Variants in ACTN1 observed in about 807,000 individuals in gnomAD.
ACTN1 encodes actinin alpha 1, also known as alpha-actinin-1.
ACTN1 carries 30 observed loss-of-function variants against 119.6 expected under a neutral mutation model. The ratio of observed to expected loss-of-function variants is 0.25; its 90% CI spans 0.19 to 0.34. ACTN1 has a LOEUF of 0.34. ACTN1 is among the 10% of genes least tolerant of loss of function. ACTN1 has a pLI of 1.00. For missense variants in ACTN1, 764 were observed against 1,223.4 expected, an observed-to-expected ratio of 0.62 and a Z score of 5.60; for synonymous variants, 429 against 472.6, an observed-to-expected ratio of 0.91 and a Z score of 1.20.
At chr14:68,875,260 C>A in intron 21 of ACTN1, 1 of 1,051,312 alleles carries the variant, frequency 9.5e-7, no homozygotes, top group Non-Finnish European at 1.3e-6. Context: ...AGCCACTTTC[C>A]AATCTAATTC....
chr14:68,929,088 T>C (rs2035086941), intron 1 of ACTN1, among the ~76,000 whole-genome samples: 1 of 151,400 alleles, frequency 6.6e-6, no homozygotes, highest in Admixed American at 6.6e-5. Flanking sequence ...GGGCTGGAAC[T>C]GTGGTGCGTT....
chr14:68,936,549 G>A lies in ACTN1; in HGVS notation c.106-10877C>T, dbSNP rs555570623. On this transcript the variant is annotated intron_variant, in intron 1 of 21. Transcript: ENST00000394419. ...AATAAAAGAACAGTCTGTCTAGGGGGTGGCGGGAGGAACTGTTACGGGAAT... is the reference window on the plus strand; with the variant it reads ...AATAAAAGAACAGTCTGTCTAGGGGATGGCGGGAGGAACTGTTACGGGAAT... The A allele has an allele frequency of 2.0e-5, 9 of 449,922 alleles. No homozygotes were observed. In the South Asian group the frequency reaches 2.0e-4, roughly 10 times the overall value. 27.9% of individuals were successfully genotyped at this position (449,922 alleles called of 1,614,324 possible).
At chr14:68,942,962 C>T (rs1033054909) in intron 1 of ACTN1, among the ~76,000 whole-genome samples, 1 of 152,110 alleles carries the variant, frequency 6.6e-6, no homozygotes, top group Admixed American at 6.5e-5. Context: ...GACGGAGGAG[C>T]CTAACGACCT....
intron 1 of ACTN1, among the ~76,000 whole-genome samples, chr14:68,967,854 G>C (rs1020720574): frequency 3.9e-5 from 6 of 152,216 alleles, no homozygotes; most frequent in African/African-American, 1.4e-4. Context: ...TGCAGCCCAA[G>C]CCTCATATCC....
In ACTN1 at chr14:68,879,076, C is replaced by A; in HGVS notation, c.2281-7G>T. 1.2e-6 allele frequency: 2 copies of A among 1,602,848 alleles called. No homozygotes were observed. The highest frequency in any genetic ancestry group is 1.7e-6 in the Non-Finnish European group (2 of 1,173,400). On this transcript the variant is annotated splice_polypyrimidine_tract_variant and splice_region_variant and intron_variant, in intron 18 of 21. Coordinates refer to ENST00000394419, the MANE Select transcript of ACTN1 (RefSeq NM_001130004.2). This position sits in a 1 kb window ranked among gnomAD's most constrained non-coding sequence, Gnocchi z 4.9. Reference sequence around the variant, plus strand: ...CCAGTGTGCCGGAGTGATCCTGGGGCCGCGGTGCGCCAGGCAGCGAGCCAT... The same window carrying A: ...CCAGTGTGCCGGAGTGATCCTGGGGACGCGGTGCGCCAGGCAGCGAGCCAT...
At chr14:68,918,670 C>T (rs541257833) in intron 3 of ACTN1, among the ~76,000 whole-genome samples, 10 of 150,398 alleles carry the variant, frequency 6.6e-5, no homozygotes, top group East Asian at 3.9e-4. Flanking sequence ...CCGAGGCGGG[C>T]GGATCACAAG....
intron 7 of ACTN1, 65 bp downstream of exon 7, chr14:68,904,590 C>T: frequency 5.3e-6 from 8 of 1,495,788 alleles, no homozygotes; most frequent in Non-Finnish European, 7.4e-6. Context: ...GGGGTCCACC[C>T]CTTCTTAGCC....
intron 21 of ACTN1, among the ~76,000 whole-genome samples, chr14:68,876,718 C>T (rs2030940125): frequency 6.6e-6 from 1 of 152,114 alleles, no homozygotes; most frequent in Non-Finnish European, 1.5e-5. Flanking sequence ...CATTATAGTC[C>T]GTGCCGATGC....
chr14:68,903,077 G>A (rs1223387943), intron 7 of ACTN1, among the ~76,000 whole-genome samples: 1 of 152,210 alleles, frequency 6.6e-6, no homozygotes, highest in Non-Finnish European at 1.5e-5. Context: ...GTATTCGGAA[G>A]TATGCAGTGG....
rs764990584 is a variant in ACTN1 at position 68,882,308 on chromosome 14, T to C, written c.1953+150A>G. 2.6e-5 allele frequency: 27 copies of C among 1,054,140 alleles called. 1 individual carries two copies. The highest frequency in any genetic ancestry group is 3.4e-5 in the Non-Finnish European group (25 of 735,810). 65.3% of individuals were successfully genotyped at this position (1,054,140 alleles called of 1,614,324 possible). A position where few individuals can be genotyped will look rare whatever the true frequency, so the allele number is the denominator to read the frequency against. ...CAGGGCTTCTTCACATAGGCCCCCA[T>C]AGCCTTCTACAGAACAGCAGACCCA... On this transcript the variant is annotated intron_variant, in intron 16 of 21. Coordinates refer to ENST00000394419, the MANE Select transcript of ACTN1 (RefSeq NM_001130004.2). This position sits in a 1 kb window ranked among gnomAD's most constrained non-coding sequence, Gnocchi z 4.5.
At position 68,885,444 on chromosome 14, in the gene ACTN1, C is replaced by A. The variant is rs138924875; in HGVS notation, c.1366G>T (p.Ala456Ser). ...AHQDRVEQIAAIAQELNELDY... is the reference protein window; with the variant it reads ...AHQDRVEQIASIAQELNELDY... ...ACCTACTTGAGCTCCTGTGCGATGGCGGCAATCTGCTCCACACGGTCCTGG... is the reference window on the plus strand; with the variant it reads ...ACCTACTTGAGCTCCTGTGCGATGGAGGCAATCTGCTCCACACGGTCCTGG... The change falls in exon 12 of 22, where the codon GCC becomes TCC. Residue 456 changes from alanine (A) to serine (S), a missense_variant. Coordinates refer to ENST00000394419, the MANE Select transcript of ACTN1 (RefSeq NM_001130004.2). This position sits in a 1 kb window ranked among gnomAD's most constrained non-coding sequence, Gnocchi z 5.6. 1 of 1,612,404 alleles carries A rather than the reference C, an allele frequency of 6.2e-7. No homozygotes were observed. Among genetic ancestry groups the A allele is most frequent in the Non-Finnish European group, 8.5e-7 (1 of 1,178,966 alleles).
At chr14:68,888,090 C>T (rs139219858) in intron 11 of ACTN1, 24 of 680,672 alleles carry the variant, frequency 3.5e-5, no homozygotes, top group African/African-American at 2.7e-4. Context: ...GGCATCCTGG[C>T]GGCAGGGAGG....
intron 8 of ACTN1, among the ~76,000 whole-genome samples, chr14:68,897,916 C>T (rs1006029376): frequency 1.3e-5 from 2 of 152,266 alleles, no homozygotes; most frequent in Non-Finnish European, 2.9e-5. Context: ...CTGCATACCC[C>T]GAAGCTTCTT....
At chr14:68,928,978 T>C (rs1374342659) in intron 1 of ACTN1, among the ~76,000 whole-genome samples, 1 of 151,764 alleles carries the variant, frequency 6.6e-6, no homozygotes, top group East Asian at 1.9e-4. Context: ...TGTGGTGAGT[T>C]CCTGGGAGAG....
At chr14:68,965,061 G>A (rs1206796493) in intron 1 of ACTN1, among the ~76,000 whole-genome samples, 2 of 152,196 alleles carry the variant, frequency 1.3e-5, no homozygotes, top group African/African-American at 4.8e-5. Flanking sequence ...GCATCTATCT[G>A]CAGGTGTTCT....
intron 1 of ACTN1, among the ~76,000 whole-genome samples, chr14:68,938,292 T>C (rs895699611): frequency 2.0e-5 from 3 of 152,152 alleles, no homozygotes; most frequent in African/African-American, 7.2e-5. Flanking sequence ...GGCACTGCTC[T>C]AACAGCCTGT....
In ACTN1 at chr14:68,907,505, A is replaced by C. The variant is rs149062977; in HGVS notation, c.594+1813T>G. On this transcript the variant is annotated intron_variant, in intron 6 of 21. Coordinates refer to ENST00000394419, the MANE Select transcript of ACTN1 (RefSeq NM_001130004.2). ...CCTGAACCCAGGAGGCGGAGGTTGC[A>C]GTGAGTGGAGATCACGCCATTGCAC... Among the ~76,000 whole-genome samples, 3 of 152,206 alleles carry C rather than the reference A, an allele frequency of 2.0e-5. No homozygotes were observed. The East Asian group carries it at 5.8e-4, about 29-fold the overall frequency.
intron 1 of ACTN1, among the ~76,000 whole-genome samples, chr14:68,931,315 G>C (rs2035212300): frequency 6.6e-6 from 1 of 152,216 alleles, no homozygotes; most frequent in Admixed American, 6.5e-5. Flanking sequence ...CCCCTCTGGG[G>C]CAGCCTGGCA....
intron 1 of ACTN1, among the ~76,000 whole-genome samples, chr14:68,961,462 T>C (rs1463703625): frequency 1.3e-5 from 2 of 152,260 alleles, no homozygotes; most frequent in Non-Finnish European, 1.5e-5. Context: ...CAGAGGCCCA[T>C]GTGGGTGAAG....
Sources: allele counts gnomAD v4.1 joint callset (sites outside exome capture counted in the v4.1 genomes callset), GRCh38; gene constraint gnomAD v4.1.1; non-coding constraint Gnocchi (gnomAD v3.1); transcripts MANE v1.5; gene names NCBI Gene and HGNC (gene_info 2026-07-23, HGNC 2026-07-21).